Variants in NFIX observed in about 807,000 individuals in gnomAD.
The protein encoded by NFIX is nuclear factor I X.
Under a neutral mutation model 53.3 loss-of-function variants are expected in NFIX, and 2 were observed. The ratio of observed to expected loss-of-function variants is 0.04; its 90% CI spans 0.02 to 0.12. NFIX has a LOEUF of 0.12. Among genes scored for constraint, NFIX ranks in the 10% least tolerant of loss-of-function variants. The probability of loss-of-function intolerance (pLI) is 1.00; values close to 1 mark genes in which losing one functional copy is unlikely to be tolerated. For synonymous variants in NFIX, 244 were observed against 289.0 expected, an observed-to-expected ratio of 0.84 and a Z score of 1.58; for missense variants, 310 against 674.5, an observed-to-expected ratio of 0.46 and a Z score of 5.99.
chr19:13,050,853 G>A (rs1007958463), intron 2 of NFIX, among the ~76,000 whole-genome samples: 52 of 151,660 alleles, frequency 3.4e-4, no homozygotes, highest in Admixed American at 2.9e-3. Context: ...CAGGGGACAT[G>A]CGACCTGTCT....
chr19:13,062,583 G>A (rs1388680562), intron 2 of NFIX, among the ~76,000 whole-genome samples: 1 of 152,222 alleles, frequency 6.6e-6, no homozygotes, highest in Non-Finnish European at 1.5e-5. Context: ...GGTCTCTGGG[G>A]CTCTCATGCC....
rs572396133 is a variant in NFIX, at chr19:13,060,954, T to C, written c.560-12093T>C. On this transcript the variant is annotated intron_variant, in intron 2 of 10. Coordinates refer to ENST00000592199, the MANE Select transcript of NFIX (RefSeq NM_001365902.3). The surrounding 1 kb of genome is among the most constrained non-coding windows in gnomAD (Gnocchi z 4.3). Reference sequence around the variant, plus strand: ...TGACTTTTATTCTCCATTTTTTCACTTTTTATGGGGATGGGGTAGAGATCT... The same window carrying C: ...TGACTTTTATTCTCCATTTTTTCACCTTTTATGGGGATGGGGTAGAGATCT... Among the ~76,000 whole-genome samples the C allele has an allele frequency of 6.6e-6, 1 of 152,248 alleles. No individual in the cohort carries two copies. The highest frequency in any genetic ancestry group is 2.1e-4 in the South Asian group (1 of 4,822).
intron 2 of NFIX, among the ~76,000 whole-genome samples, chr19:13,035,086 C>T (rs2014089185): frequency 6.6e-6 from 1 of 152,128 alleles, no homozygotes; most frequent in Non-Finnish European, 1.5e-5. Flanking sequence ...CTAAGAGTTC[C>T]CTGGGAACAG....
intron 5 of NFIX, 82 bp from the exon 6 acceptor site, chr19:13,075,453 C>CA: frequency 6.6e-7 from 1 of 1,504,784 alleles, no homozygotes; most frequent in Non-Finnish European, 9.0e-7. Context: ...CATCTATGCA[C>CA]AGTTCTTTAG....
chr19:13,038,880 G>A (rs767698873), intron 2 of NFIX, among the ~76,000 whole-genome samples: 1 of 152,198 alleles, frequency 6.6e-6, no homozygotes, highest in Non-Finnish European at 1.5e-5. Context: ...CGTTGTGTGT[G>A]TCAGGCCCAA....
rs896142891 is a variant in NFIX, at chr19:13,012,520, G to A, written c.28-12501G>A. Reference sequence around the variant, plus strand: ...ACTGTCCCAGTTCACCATTTGCTGCGTCAAAGGCCGCCGCCAAAAGGGGCT... The same window carrying A: ...ACTGTCCCAGTTCACCATTTGCTGCATCAAAGGCCGCCGCCAAAAGGGGCT... On this transcript the variant is annotated intron_variant, in intron 1 of 10. Coordinates refer to ENST00000592199, the MANE Select transcript of NFIX (RefSeq NM_001365902.3). This position sits in a 1 kb window ranked among gnomAD's most constrained non-coding sequence, Gnocchi z 5.0. 1.1e-4 allele frequency among the ~76,000 whole-genome samples: 17 copies of A among 151,966 alleles called. No homozygotes were observed. Among genetic ancestry groups the A allele is most frequent in the Non-Finnish European group, 1.5e-5 (1 of 67,974 alleles).
intron 5 of NFIX, among the ~76,000 whole-genome samples, chr19:13,074,548 G>T (rs1044912641): frequency 5.3e-5 from 8 of 151,980 alleles, no homozygotes; most frequent in Non-Finnish European, 1.0e-4. Flanking sequence ...GCAACAGTGT[G>T]TGTGGGCGGG....
chr19:13,096,874 TG>T lies in NFIX; in HGVS notation c.*2230del, dbSNP rs1184593024. 1 of 121,088 alleles carries T rather than the reference TG, an allele frequency of 8.3e-6. No individual in the cohort carries two copies. The highest frequency in any genetic ancestry group is 3.2e-5 in the African/African-American group (1 of 31,236). 7.5% of individuals were successfully genotyped at this position (121,088 alleles called of 1,614,324 possible). A position where few individuals can be genotyped will look rare whatever the true frequency, so the allele number is the denominator to read the frequency against. ...CGGGGCTGCCCGGGCGGGCAGGGGG[TG>T]GGGGCTGCTCCTTTCCCAAGTGGTG... On this transcript the variant is annotated 3_prime_UTR_variant, in exon 11 of 11. Transcript: ENST00000592199.
chr19:13,030,629 G>A (rs2013728270), intron 2 of NFIX, among the ~76,000 whole-genome samples: 1 of 145,634 alleles, frequency 6.9e-6, no homozygotes, highest in African/African-American at 2.8e-5. Context: ...CATTTCACAT[G>A]GCTCCTAGTG....
At chr19:13,029,772 G>A (rs1327160932) in intron 2 of NFIX, among the ~76,000 whole-genome samples, 1 of 152,236 alleles carries the variant, frequency 6.6e-6, no homozygotes, top group African/African-American at 2.4e-5. Context: ...CACCTGTGGG[G>A]TTGCCTTCTC....
At chr19:13,075,888 G>C (rs1226572663) in intron 6 of NFIX, among the ~76,000 whole-genome samples, 1 of 152,184 alleles carries the variant, frequency 6.6e-6, no homozygotes, top group African/African-American at 2.4e-5. Context: ...GTCAGCAGCA[G>C]AGCCCGTGGT....
At chr19:13,038,397 G>C (rs2014360839) in intron 2 of NFIX, among the ~76,000 whole-genome samples, 2 of 152,136 alleles carry the variant, frequency 1.3e-5, no homozygotes, top group South Asian at 4.1e-4. Context: ...CCTGAGCGTA[G>C]CAGTCCCAGG....
At chr19:13,024,683 G>A (rs1389006588) in intron 1 of NFIX, 1 of 1,536,470 alleles carries the variant, frequency 6.5e-7, no homozygotes, top group Non-Finnish European at 8.7e-7. Flanking sequence ...CCAGCAGCGT[G>A]TGTGTGTGGA....
At position 13,078,814 on chromosome 19, in the gene NFIX, C is replaced by T; in HGVS notation, c.1078+79C>T. On this transcript the variant is annotated intron_variant, in intron 7 of 10. Transcript: ENST00000592199. The surrounding 1 kb of genome is among the most constrained non-coding windows in gnomAD (Gnocchi z 4.7). ...AGGGGCAGCTGGCCAGGTGAAGGGG[C>T]CAGAGCTGACCCCGAGTGACAGCCC... is the stretch of plus-strand genomic sequence containing the variant. 6.9e-7 allele frequency: 1 copy of T among 1,440,686 alleles called. No individual in the cohort carries two copies. The highest frequency in any genetic ancestry group is 1.3e-5 in the South Asian group (1 of 76,912). 89.2% of individuals were successfully genotyped at this position (1,440,686 alleles called of 1,614,324 possible). A position where few individuals can be genotyped will look rare whatever the true frequency, so the allele number is the denominator to read the frequency against.
intron 6 of NFIX, 150 bp downstream of exon 6, chr19:13,075,821 G>T (rs2017066385): frequency 1.0e-6 from 1 of 966,732 alleles, no homozygotes; most frequent in South Asian, 1.7e-5. Flanking sequence ...TTCCAGGGAG[G>T]GCAGAGCAGG....
chr19:13,008,109 C>T (rs1177162741), intron 1 of NFIX, among the ~76,000 whole-genome samples: 1 of 152,332 alleles, frequency 6.6e-6, no homozygotes, highest in South Asian at 2.1e-4. Flanking sequence ...CACTACCCCT[C>T]AGCCCATGGA....
At chr19:13,018,197 C>T (rs1314791108) in intron 1 of NFIX, among the ~76,000 whole-genome samples, 1 of 152,052 alleles carries the variant, frequency 6.6e-6, no homozygotes, top group Non-Finnish European at 1.5e-5. Context: ...CCATTCCTAC[C>T]CTATATTATT....
Position 13,088,752 on chromosome 19 carries a change from C to T in NFIX, c.1402+616C>T, listed in dbSNP as rs569301967. ...TTCCATCCCTCTCCCGTCCCTTCTC[C>T]GCAATTCCTTTCCCAGGTTAGATGT... is the stretch of plus-strand genomic sequence containing the variant. On this transcript the variant is annotated intron_variant, in intron 9 of 10. Transcript: ENST00000592199. The surrounding 1 kb of genome is among the most constrained non-coding windows in gnomAD (Gnocchi z 5.9). Among the ~76,000 whole-genome samples, 94 of 152,152 alleles carry T rather than the reference C, an allele frequency of 6.2e-4. No individual in the cohort carries two copies. Among genetic ancestry groups the T allele is most frequent in the South Asian group, 1.5e-3 (7 of 4,812 alleles).
rs145126924 is a variant in NFIX, at chr19:13,037,902, C to G, written c.559+12350C>G. On this transcript the variant is annotated intron_variant, in intron 2 of 10. Transcript: ENST00000592199. The surrounding 1 kb of genome is among the most constrained non-coding windows in gnomAD (Gnocchi z 4.2). ...AGAATCATCTCGCCCCCAAACGTCACAAGTGCGGAGGTGGAGAAACCCAGC... is the reference window on the plus strand; with the variant it reads ...AGAATCATCTCGCCCCCAAACGTCAGAAGTGCGGAGGTGGAGAAACCCAGC... Among the ~76,000 whole-genome samples, 21 of 152,264 alleles carry G rather than the reference C, an allele frequency of 1.4e-4. No homozygotes were observed. The East Asian group carries it at 4.1e-3, about 29-fold the overall frequency.
Sources: gnomAD v4.1 joint callset for allele counts (sites outside exome capture counted in the v4.1 genomes callset) on GRCh38, gnomAD v4.1.1 for gene constraint, Gnocchi (gnomAD v3.1) non-coding constraint, MANE v1.5 for transcripts, NCBI Gene and HGNC (gene_info 2026-07-23, HGNC 2026-07-21) for gene names.